Variants in NCAN observed in about 807,000 individuals in gnomAD.
NCAN encodes the protein neurocan core protein.
A neutral mutation model predicts 121.8 loss-of-function variants in NCAN; 47 were observed. The ratio of observed to expected loss-of-function variants is 0.39; its 90% CI spans 0.31 to 0.49. NCAN has a LOEUF of 0.49. Ranked by LOEUF, NCAN falls within the 20% of genes least tolerant of loss-of-function variation. NCAN has a pLI of 0.92. For synonymous variants in NCAN, 633 were observed against 702.0 expected (o/e 0.90, Z 1.55); for missense variants, 1,517 against 1,773.4 (o/e 0.86, Z 2.60).
Position 19,249,772 on chromosome 19 carries a change from G to A in NCAN, c.3827G>A (p.Arg1276His), listed in dbSNP as rs764284962. Residue 1276 changes from arginine to histidine, a missense_variant, in exon 15 of 15, where the codon CGT becomes CAT. Arg to His is a conservative substitution (Grantham distance 29). Coordinates refer to ENST00000252575, the MANE Select transcript of NCAN (RefSeq NM_004386.3). ...RPQIVCTKPR[R>H]SHRMRRHHHH... ...CTCCCTCACTTCCCTGCAGCCAGAC[G>A]TTCACATCGGATGCGGCGACACCAC... The A allele has an allele frequency of 2.1e-5, 34 of 1,601,626 alleles. No individual in the cohort carries two copies. The highest frequency in any genetic ancestry group is 1.7e-4 in the Middle Eastern group (1 of 5,734).
Position 19,224,048 on chromosome 19 carries a change from G to C in NCAN, c.503G>C (p.Arg168Pro). ...GTTGTGTTCCACTACCGATCAGCCC[G>C]GGACCGCTATGCACTGACCTTCGCT... ...TGVVFHYRSA[R>P]DRYALTFAEA... Residue 168 changes from arginine to proline, a missense_variant, in exon 4 of 15, where the codon CGG becomes CCG. Transcript: ENST00000252575. The C allele has an allele frequency of 6.4e-7, 1 of 1,565,584 alleles. No individual in the cohort carries two copies. Among genetic ancestry groups the C allele is most frequent in the Non-Finnish European group, 8.7e-7 (1 of 1,150,308 alleles).
At position 19,227,200 on chromosome 19, in the gene NCAN, G is replaced by T. The variant is rs1568597271; in HGVS notation, c.1661-81G>T. The T allele has an allele frequency of 6.7e-7, 1 of 1,496,160 alleles. No homozygotes were observed. The allele number at this position is 1,496,160 out of a possible 1,614,324, so 92.7% of individuals were successfully genotyped here. On this transcript the variant is annotated intron_variant, in intron 7 of 14. Transcript: ENST00000252575. The surrounding 1 kb of genome is among the most constrained non-coding windows in gnomAD (Gnocchi z 4.2). ...CCAGCTGGGTCCTCTGGCCCCAGAA[G>T]CCCCCTCTCCCTTGGGCCTGGAGTC...
chr19:19,249,881 C>A lies in NCAN; in HGVS notation c.3936C>A (p.Asp1312Glu), dbSNP rs1039298345. The change falls in exon 15 of 15, where the codon GAC becomes GAA. Residue 1312 changes from aspartate to glutamate, a missense_variant. Coordinates refer to ENST00000252575, the MANE Select transcript of NCAN (RefSeq NM_004386.3). Reference protein sequence around the residue: ...RRKHKKHPTEDWEKDEGNFC With the variant: ...RRKHKKHPTEEWEKDEGNFC ...AACACAAGAAACACCCAACGGAGGA[C>A]TGGGAGAAGGACGAAGGGAATTTCT... The A allele has an allele frequency of 1.9e-6, 3 of 1,613,958 alleles. No individual in the cohort carries two copies. The highest frequency in any genetic ancestry group is 2.5e-6 in the Non-Finnish European group (3 of 1,179,992).
chr19:19,212,757 C>T lies in NCAN; in HGVS notation c.-8+693C>T, dbSNP rs777235939. On this transcript the variant is annotated intron_variant, in intron 1 of 14. Transcript: ENST00000252575. This position sits in a 1 kb window ranked among gnomAD's most constrained non-coding sequence, Gnocchi z 4.5. ...GTGTTGTCCCTTATCCCAGGGAACA[C>T]ACTGGGTGTCCCAGGTGAATGTTGG... 1.1e-4 allele frequency among the ~76,000 whole-genome samples: 16 copies of T among 152,190 alleles called. No homozygotes were observed. Among genetic ancestry groups the T allele is most frequent in the Non-Finnish European group, 1.8e-4 (12 of 68,018 alleles).
At chr19:19,222,257 T>C (rs2060819407) in intron 3 of NCAN, among the ~76,000 whole-genome samples, 1 of 152,106 alleles carries the variant, frequency 6.6e-6, no homozygotes, top group African/African-American at 2.4e-5. Context: ...CTAGGTAACT[T>C]CAATTTCATT....
Position 19,225,268 on chromosome 19 carries a change from G to A in NCAN, c.1070G>A (p.Arg357Gln), listed in dbSNP as rs768335141. ...PAERFDAYCFRAHHPTSQHGD... is the reference protein window; with the variant it reads ...PAERFDAYCFQAHHPTSQHGD... ...GAGCGCTTCGACGCCTACTGCTTCC[G>A]AGGTGCGTGCGTCCCCTGGTGGCCG... The change falls in exon 6 of 15, where the codon CGA becomes CAA. Residue 357 changes from arginine to glutamine, a missense_variant and splice_region_variant. Coordinates refer to ENST00000252575, the MANE Select transcript of NCAN (RefSeq NM_004386.3). The surrounding 1 kb of genome is among the most constrained non-coding windows in gnomAD (Gnocchi z 4.0). The A allele has an allele frequency of 5.9e-6, 9 of 1,530,062 alleles. No individual in the cohort carries two copies. In the South Asian group the frequency reaches 8.5e-5, roughly 15 times the overall value. 94.8% of individuals were successfully genotyped at this position (1,530,062 alleles called of 1,614,324 possible). A position where few individuals can be genotyped will look rare whatever the true frequency, so the allele number is the denominator to read the frequency against.
intron 8 of NCAN, among the ~76,000 whole-genome samples, chr19:19,229,027 G>C (rs2060848665): frequency 6.6e-6 from 1 of 152,132 alleles, no homozygotes; most frequent in Non-Finnish European, 1.5e-5. Context: ...GGCCAACATG[G>C]CAAAACTCCG....
At position 19,249,812 on chromosome 19, in the gene NCAN, C is replaced by T. The variant is rs2060940063; in HGVS notation, c.3867C>T (p.His1289=). 9 of 1,612,970 alleles carry T rather than the reference C, an allele frequency of 5.6e-6. No individual in the cohort carries two copies. Among genetic ancestry groups the T allele is most frequent in the Admixed American group, 1.7e-5 (1 of 59,698 alleles). Residue 1289 remains histidine (H), a synonymous_variant, in exon 15 of 15, where the codon CAC becomes CAT. Transcript: ENST00000252575. ...RMRRHHHHHQ[H]HHQHHHHKSR... is the part of the protein sequence containing the mutation. The stretch of plus-strand genomic sequence containing the variant: ...GGCGACACCACCACCACCACCAACA[C>T]CACCACCAGCATCACCACCACAAAT...
rs753379152 is a variant in NCAN, at chr19:19,227,038, C to T, written c.1625C>T (p.Ala542Val). 6.6e-7 allele frequency: 1 copy of T among 1,515,986 alleles called. No homozygotes were observed. The highest frequency in any genetic ancestry group is 1.3e-5 in the South Asian group (1 of 75,152). The allele number at this position is 1,515,986 out of a possible 1,614,324, so 93.9% of individuals were successfully genotyped here. The change falls in exon 7 of 15, where the codon GCT (alanine) becomes GTT (valine). Residue 542 changes from alanine to valine, a missense_variant. Coordinates refer to ENST00000252575, the MANE Select transcript of NCAN (RefSeq NM_004386.3). This position sits in a 1 kb window ranked among gnomAD's most constrained non-coding sequence, Gnocchi z 4.2. ...LGSGQSRSPW[A>V]DLTNEVDMPG... Reference sequence around the variant, plus strand: ...AGTGGCCAGAGCCGGAGCCCCTGGGCTGATCTGACCAATGAGGTGGATATG... The same window carrying T: ...AGTGGCCAGAGCCGGAGCCCCTGGGTTGATCTGACCAATGAGGTGGATATG...
intron 2 of NCAN, among the ~76,000 whole-genome samples, chr19:19,217,686 T>C (rs1320568475): frequency 2.0e-5 from 3 of 152,196 alleles, no homozygotes; most frequent in Admixed American, 2.0e-4. Flanking sequence ...ATCCCTGTCC[T>C]TATAAAAATA....
intron 8 of NCAN, among the ~76,000 whole-genome samples, chr19:19,229,166 C>A (rs1395714912): frequency 6.6e-6 from 1 of 152,174 alleles, no homozygotes; most frequent in African/African-American, 2.4e-5. Context: ...TGAGATTGTA[C>A]CACTGCACTT....
Position 19,249,952 on chromosome 19 carries a change from C to T in NCAN, c.*41C>T, listed in dbSNP as rs752617076. On this transcript the variant is annotated 3_prime_UTR_variant, in exon 15 of 15. Transcript: ENST00000252575. ...AAAGCACAACACCTTTCCCATGCCTCCTCTGGAGCCTTCGCCTGGGGAGAC... is the reference window on the plus strand; with the variant it reads ...AAAGCACAACACCTTTCCCATGCCTTCTCTGGAGCCTTCGCCTGGGGAGAC... 9 of 1,577,900 alleles carry T rather than the reference C, an allele frequency of 5.7e-6. No individual in the cohort carries two copies. In the East Asian group the frequency reaches 2.1e-4, roughly 37 times the overall value.
chr19:19,248,968 T>G, intron 14 of NCAN, 86 bp downstream of exon 14: 1 of 1,419,912 alleles, frequency 7.0e-7, no homozygotes, highest in Non-Finnish European at 9.8e-7. Context: ...CACACATTGA[T>G]CTGGCTTAAT....
Position 19,228,429 on chromosome 19 carries a change from A to T in NCAN, c.2809A>T (p.Ser937Cys). 1 of 1,613,662 alleles carries T rather than the reference A, an allele frequency of 6.2e-7. No homozygotes were observed. ...TCCTCCTGGGACACCGACTGCAGCC[A>T]GTGTGGGCGAGTCTGCCTCAGTTTC... ...AVPPGTPTAA[S>C]VGESASVSSG... Residue 937 changes from serine (S) to cysteine (C), a missense_variant, in exon 8 of 15, where the codon AGT becomes TGT. Physicochemically the swap from Ser to Cys is moderately radical, Grantham distance 112. Coordinates refer to ENST00000252575, the MANE Select transcript of NCAN (RefSeq NM_004386.3).
chr19:19,224,511 G>C (rs1020346804), intron 5 of NCAN, 78 bp downstream of exon 5: 1 of 1,541,972 alleles, frequency 6.5e-7, no homozygotes, highest in South Asian at 1.2e-5. Context: ...CCCATCCTCC[G>C]GGGTCCTTAT....
In NCAN at chr19:19,224,966, C is replaced by T. The variant is rs1282186237; in HGVS notation, c.779-11C>T. 4.2e-6 allele frequency: 6 copies of T among 1,422,750 alleles called. No individual in the cohort carries two copies. The South Asian group carries it at 5.9e-5, about 14-fold the overall frequency. 88.1% of individuals were successfully genotyped at this position (1,422,750 alleles called of 1,614,324 possible). ...CCCAGCCCCCCTGACCTCCACCCGCCCCTCCCGCAGGCGAGGTCTTCTACG... is the reference window on the plus strand; with the variant it reads ...CCCAGCCCCCCTGACCTCCACCCGCTCCTCCCGCAGGCGAGGTCTTCTACG... On this transcript the variant is annotated splice_polypyrimidine_tract_variant and intron_variant, in intron 5 of 14. Coordinates refer to ENST00000252575, the MANE Select transcript of NCAN (RefSeq NM_004386.3).
chr19:19,248,314 G>C (rs1409490621), intron 13 of NCAN, among the ~76,000 whole-genome samples: 3 of 152,058 alleles, frequency 2.0e-5, no homozygotes, highest in Non-Finnish European at 4.4e-5. Flanking sequence ...CCATGGTGGT[G>C]CATGTCTGTA....
chr19:19,245,670 G>A (rs189043374), intron 13 of NCAN, among the ~76,000 whole-genome samples: 3 of 152,176 alleles, frequency 2.0e-5, no homozygotes, highest in Non-Finnish European at 4.4e-5. Flanking sequence ...TAGAGATGGG[G>A]TCTTGCCATG....
At chr19:19,228,663 T>C in intron 8 of NCAN, 24 bp downstream of exon 8, 1 of 1,578,728 alleles carries the variant, frequency 6.3e-7, no homozygotes, top group Non-Finnish European at 8.6e-7. Context: ...CCCGGGGCTC[T>C]GTCCAGCTCT....
Sources: gnomAD v4.1 joint callset for allele counts (sites outside exome capture counted in the v4.1 genomes callset) on GRCh38, gnomAD v4.1.1 for gene constraint, Gnocchi (gnomAD v3.1) non-coding constraint, MANE v1.5 for transcripts, NCBI Gene and HGNC (gene_info 2026-07-23, HGNC 2026-07-21) for gene names.